The following PHACTR2 variants were observed in gnomAD, a reference collection of about 807,000 sequenced individuals.
PHACTR2 encodes the protein phosphatase and actin regulator 2.
Under a neutral mutation model 76.0 loss-of-function variants are expected in PHACTR2, and 30 were observed. The ratio of observed to expected loss-of-function variants is 0.39; its 90% CI spans 0.30 to 0.54. PHACTR2 has a LOEUF of 0.54. Ranked by LOEUF, PHACTR2 falls within the 20% of genes least tolerant of loss-of-function variation. PHACTR2 has a pLI of 0.61. For missense variants in PHACTR2, 696 were observed against 781.1 expected, an observed-to-expected ratio of 0.89 and a Z score of 1.30; for synonymous variants, 292 against 292.5, an observed-to-expected ratio of 1.00 and a Z score of 0.02.
Position 143,718,308 on chromosome 6 carries a change from A to G in PHACTR2, c.214+6125A>G, listed in dbSNP as rs188307104. 1.0e-3 allele frequency among the ~76,000 whole-genome samples: 156 copies of G among 152,324 alleles called. 1 individual carries two copies. The highest frequency in any genetic ancestry group is 3.6e-3 in the African/African-American group (151 of 41,574). Reference sequence around the variant, plus strand: ...CATCAGTACAACCTCATGAACTGCAATCTTTAAGGGCTACTATTATCCCAG... The same window carrying G: ...CATCAGTACAACCTCATGAACTGCAGTCTTTAAGGGCTACTATTATCCCAG... On this transcript the variant is annotated intron_variant, in intron 2 of 12. Transcript: ENST00000440869.
Position 143,610,159 on chromosome 6 carries a change from G to A in PHACTR2, c.13+1837G>A, listed in dbSNP as rs1775953451. ...TGGCTGTCAGTGATCACTTTTCATGGTAATTTTTTGATGAGGTAAGCAGCC... is the reference window on the plus strand; with the variant it reads ...TGGCTGTCAGTGATCACTTTTCATGATAATTTTTTGATGAGGTAAGCAGCC... On this transcript the variant is annotated intron_variant, in intron 1 of 11. Transcript: ENST00000305766. The surrounding 1 kb of genome is among the most constrained non-coding windows in gnomAD (Gnocchi z 4.9). Among the ~76,000 whole-genome samples, 1 of 152,018 alleles carries A rather than the reference G, an allele frequency of 6.6e-6. No individual in the cohort carries two copies. The highest frequency in any genetic ancestry group is 1.5e-5 in the Non-Finnish European group (1 of 68,000).
At chr6:143,565,165 T>C (rs1362900594) in intron 1 of PHACTR2, among the ~76,000 whole-genome samples, 4 of 152,206 alleles carry the variant, frequency 2.6e-5, no homozygotes, top group Non-Finnish European at 5.9e-5. Context: ...TGCTAGGCAT[T>C]GTTCTAGGTA....
chr6:143,537,576 C>T lies in PHACTR2; in HGVS notation c.217+369C>T, dbSNP rs142515250. ...GGAACATTCTCGGTCTTCGGCGCGA[C>T]TTTGGTCCCTCGGAAGGGTGCGGTT... On this transcript the variant is annotated intron_variant, in intron 1 of 11. Coordinates refer to the PHACTR2 transcript ENST00000367584. This position sits in a 1 kb window ranked among gnomAD's most constrained non-coding sequence, Gnocchi z 4.4. Among the ~76,000 whole-genome samples the T allele has an allele frequency of 6.6e-6, 1 of 152,212 alleles. No individual in the cohort carries two copies. Among genetic ancestry groups the T allele is most frequent in the Non-Finnish European group, 1.5e-5 (1 of 68,038 alleles).
chr6:143,544,402 C>A (rs1781203544), intron 1 of PHACTR2, among the ~76,000 whole-genome samples: 1 of 152,096 alleles, frequency 6.6e-6, no homozygotes, highest in African/African-American at 2.4e-5. Flanking sequence ...ACCTTTCTCC[C>A]CCATACACAG....
At position 143,554,809 on chromosome 6, in the gene PHACTR2, A is replaced by G. The variant is rs140954601; in HGVS notation, c.217+17602A>G. ...TCTTTCCCTGATTACTATTGAACCT[A>G]GGAAATATTTTATATTATTAGCCAT... On this transcript the variant is annotated intron_variant, in intron 1 of 11. Coordinates refer to the PHACTR2 transcript ENST00000367584. This position sits in a 1 kb window ranked among gnomAD's most constrained non-coding sequence, Gnocchi z 5.9. 6.6e-6 allele frequency: 1 copy of G among 152,260 alleles called. No homozygotes were observed. Among genetic ancestry groups the G allele is most frequent in the East Asian group, 1.9e-4 (1 of 5,180 alleles). 9.4% of individuals were successfully genotyped at this position (152,260 alleles called of 1,614,324 possible).
Position 143,585,573 on chromosome 6 carries a change from C to T in PHACTR2, c.217+48366C>T, listed in dbSNP as rs1181866522. On this transcript the variant is annotated intron_variant, in intron 1 of 11. Coordinates refer to the PHACTR2 transcript ENST00000367584. This position sits in a 1 kb window ranked among gnomAD's most constrained non-coding sequence, Gnocchi z 5.2. ...GTGGCCCTGTAGCTCAGGGAACATA[C>T]TGGAGTCTGATGGTGTCATCTTGGG... Among the ~76,000 whole-genome samples, 1 of 152,148 alleles carries T rather than the reference C, an allele frequency of 6.6e-6. No homozygotes were observed. The highest frequency in any genetic ancestry group is 6.5e-5 in the Admixed American group (1 of 15,284).
chr6:143,671,131 C>T lies in PHACTR2; in HGVS notation c.14-40885C>T, dbSNP rs1400984947. On this transcript the variant is annotated intron_variant, in intron 1 of 11. Coordinates refer to the PHACTR2 transcript ENST00000305766. The surrounding 1 kb of genome is among the most constrained non-coding windows in gnomAD (Gnocchi z 4.6). ...TTTTAGTAGAGATGGGGTTCCACCACGTTGGTCAGGCTGGTCTTGAACTCC... is the reference window on the plus strand; with the variant it reads ...TTTTAGTAGAGATGGGGTTCCACCATGTTGGTCAGGCTGGTCTTGAACTCC... Among the ~76,000 whole-genome samples the T allele has an allele frequency of 2.6e-5, 4 of 151,962 alleles. No individual in the cohort carries two copies. Among genetic ancestry groups the T allele is most frequent in the South Asian group, 2.1e-4 (1 of 4,814 alleles).
At position 143,809,071 on chromosome 6, in the gene PHACTR2, A is replaced by C. The variant is rs1400927765; in HGVS notation, c.1922+1938A>C. Reference sequence around the variant, plus strand: ...CCCTGAGCTGCAGTGACTGCACTCAACCCATACATTATCATTCGGGATAGT... The same window carrying C: ...CCCTGAGCTGCAGTGACTGCACTCACCCCATACATTATCATTCGGGATAGT... On this transcript the variant is annotated intron_variant, in intron 12 of 12. Transcript: ENST00000440869. This position sits in a 1 kb window ranked among gnomAD's most constrained non-coding sequence, Gnocchi z 4.2. Among the ~76,000 whole-genome samples, 1 of 152,216 alleles carries C rather than the reference A, an allele frequency of 6.6e-6. No homozygotes were observed. Among genetic ancestry groups the C allele is most frequent in the African/African-American group, 2.4e-5 (1 of 41,448 alleles).
chr6:143,647,580 G>A lies in PHACTR2; in HGVS notation c.13+39258G>A, dbSNP rs1258719010. ...ATTTAGTTAAGTGAGATGGGGGCGG[G>A]AAAGAAGAGAAAATAGAGAGACAGA... On this transcript the variant is annotated intron_variant, in intron 1 of 11. Coordinates refer to the PHACTR2 transcript ENST00000305766. The surrounding 1 kb of genome is among the most constrained non-coding windows in gnomAD (Gnocchi z 4.2). Among the ~76,000 whole-genome samples, 1 of 152,168 alleles carries A rather than the reference G, an allele frequency of 6.6e-6. No individual in the cohort carries two copies. The highest frequency in any genetic ancestry group is 1.5e-5 in the Non-Finnish European group (1 of 68,026).
chr6:143,610,063 A>T lies in PHACTR2; in HGVS notation c.13+1741A>T, dbSNP rs1775952299. Among the ~76,000 whole-genome samples, 1 of 152,208 alleles carries T rather than the reference A, an allele frequency of 6.6e-6. No homozygotes were observed. Among genetic ancestry groups the T allele is most frequent in the African/African-American group, 2.4e-5 (1 of 41,462 alleles). ...AATATAGCCATACATACCTTTGAAT[A>T]GAATAACGGGTTTTAAATCACATAA... On this transcript the variant is annotated intron_variant, in intron 1 of 11. Transcript: ENST00000305766. The surrounding 1 kb of genome is among the most constrained non-coding windows in gnomAD (Gnocchi z 4.9).
Position 143,550,106 on chromosome 6 carries a change from A to T in PHACTR2, c.217+12899A>T, listed in dbSNP as rs1775072861. The stretch of plus-strand genomic sequence containing the variant: ...CCTGCTGACCAGAGCTCCCACTCTG[A>T]GTTCACATATGAGTAGATGACAGAG... On this transcript the variant is annotated intron_variant, in intron 1 of 11. Transcript: ENST00000367584. The surrounding 1 kb of genome is among the most constrained non-coding windows in gnomAD (Gnocchi z 4.8). Among the ~76,000 whole-genome samples, 1 of 152,084 alleles carries T rather than the reference A, an allele frequency of 6.6e-6. No individual in the cohort carries two copies. The highest frequency in any genetic ancestry group is 1.5e-5 in the Non-Finnish European group (1 of 67,986).
intron 6 of PHACTR2, among the ~76,000 whole-genome samples, chr6:143,769,165 A>G (rs956653046): frequency 6.6e-6 from 1 of 152,202 alleles, no homozygotes; most frequent in African/African-American, 2.4e-5. Flanking sequence ...CTCTCTTCCC[A>G]TATGGCAGGG....
intron 9 of PHACTR2, among the ~76,000 whole-genome samples, chr6:143,779,503 C>A (rs1775367078): frequency 6.6e-6 from 1 of 152,016 alleles, no homozygotes; most frequent in South Asian, 2.1e-4. Context: ...GTGCGCATCA[C>A]CATGCCTGGC....
At position 143,765,533 on chromosome 6, in the gene PHACTR2, G is replaced by C. The variant is rs1305172642; in HGVS notation, c.967G>C (p.Ala323Pro). The change falls in exon 6 of 13, where the codon GCT becomes CCT. Residue 323 changes from alanine to proline, a missense_variant. Physicochemically the swap from Ala to Pro is conservative, Grantham distance 27 (BLOSUM62 -1). Transcript: ENST00000440869. The surrounding 1 kb of genome is among the most constrained non-coding windows in gnomAD (Gnocchi z 4.1). ...CAAACTCGAACAGACTGTCCCTGGAGCTGAGGAGCAGAACACAGGCAAATT... is the reference window on the plus strand; with the variant it reads ...CAAACTCGAACAGACTGTCCCTGGACCTGAGGAGCAGAACACAGGCAAATT... ...SFKLEQTVPGAEEQNTGKFKS... is the reference protein window; with the variant it reads ...SFKLEQTVPGPEEQNTGKFKS... 6.2e-7 allele frequency: 1 copy of C among 1,614,232 alleles called. No homozygotes were observed. The highest frequency in any genetic ancestry group is 2.2e-5 in the East Asian group (1 of 44,884).
chr6:143,717,111 G>A (rs1181771376), intron 2 of PHACTR2, among the ~76,000 whole-genome samples: 1 of 152,146 alleles, frequency 6.6e-6, no homozygotes, highest in African/African-American at 2.4e-5. Flanking sequence ...TTCGTCCATA[G>A]CTCTTGGACT....
In PHACTR2 at chr6:143,593,017, G is replaced by A. The variant is rs60594768; in HGVS notation, c.217+55810G>A. Among the ~76,000 whole-genome samples the A allele has an allele frequency of 1.0e-3, 146 of 141,482 alleles. No homozygotes were observed. In the East Asian group the frequency reaches 0.014, roughly 14 times the overall value. The allele number at this position is 141,482 out of a possible 152,430, so 92.8% of individuals were successfully genotyped here. On this transcript the variant is annotated intron_variant, in intron 1 of 11. Transcript: ENST00000367584. ...GATCATGCCACTGCACCTGCACTCC[G>A]GCCTGGGTGACAGAGCAAGACCCTG...
intron 1 of PHACTR2, among the ~76,000 whole-genome samples, chr6:143,687,343 G>T (rs955709708): frequency 1.3e-5 from 2 of 152,098 alleles, no homozygotes; most frequent in African/African-American, 2.4e-5. Flanking sequence ...GTAAGAATTG[G>T]TCTTACAATT....
Position 143,811,343 on chromosome 6 carries a change from T to C in PHACTR2, c.1922+4210T>C, listed in dbSNP as rs901305029. The stretch of plus-strand genomic sequence containing the variant: ...TGGATAGATTTGTAGTGTACTTTTA[T>C]ATTTGATGGGGCATTTTTTCACCCT... On this transcript the variant is annotated intron_variant, in intron 12 of 12. Coordinates refer to ENST00000440869, the MANE Select transcript of PHACTR2 (RefSeq NM_001100164.2). The surrounding 1 kb of genome is among the most constrained non-coding windows in gnomAD (Gnocchi z 4.1). Among the ~76,000 whole-genome samples the C allele has an allele frequency of 2.6e-5, 4 of 152,324 alleles. No homozygotes were observed. The East Asian group carries it at 7.7e-4, about 29-fold the overall frequency.
At chr6:143,729,076 A>G (rs1301095111) in intron 2 of PHACTR2, among the ~76,000 whole-genome samples, 1 of 152,202 alleles carries the variant, frequency 6.6e-6, no homozygotes, top group Non-Finnish European at 1.5e-5. Flanking sequence ...GGGAGAAAAT[A>G]TTTGCAAAAT....
Sources: gnomAD v4.1 joint callset for allele counts (sites outside exome capture counted in the v4.1 genomes callset) on GRCh38, gnomAD v4.1.1 for gene constraint, Gnocchi (gnomAD v3.1) non-coding constraint, MANE v1.5 for transcripts, NCBI Gene and HGNC (gene_info 2026-07-23, HGNC 2026-07-21) for gene names.